NIPA1: variants seen among roughly 807,000 people sequenced by gnomAD.
The protein encoded by NIPA1 is magnesium transporter NIPA1.
Under a neutral mutation model 23.9 loss-of-function variants are expected in NIPA1, and 13 were observed. The observed-to-expected ratio is 0.54, with a 90% CI of 0.35 to 0.87. The LOEUF (loss-of-function observed/expected upper bound fraction) is 0.87. NIPA1 is among the 40% of genes least tolerant of loss of function. The pLI, the probability that NIPA1 is intolerant of heterozygous loss-of-function variation, is 0.01. For synonymous variants in NIPA1, 234 were observed against 202.9 expected (o/e 1.15, Z -1.30); for missense variants, 362 against 429.7 (o/e 0.84, Z 1.39).
At chr15:22,803,365 G>GTA (rs766343296) in intron 1 of NIPA1, among the ~76,000 whole-genome samples, 4 of 151,632 alleles carry the variant, frequency 2.6e-5, no homozygotes. Flanking sequence ...TATTACGTAT[G>GTA]TATATATATA....
At chr15:22,807,979 C>T (rs1002105948) in intron 1 of NIPA1, among the ~76,000 whole-genome samples, 3 of 151,782 alleles carry the variant, frequency 2.0e-5, no homozygotes, top group African/African-American at 4.8e-5. Context: ...TTAGTAGAGA[C>T]GGGGTTTCAC....
chr15:22,822,251 T>G (rs768816327), intron 4 of NIPA1, among the ~76,000 whole-genome samples: 66 of 152,210 alleles, frequency 4.3e-4, no homozygotes, highest in Non-Finnish European at 7.3e-4. Context: ...GTTTCATACA[T>G]AAAATAGTTT....
rs552978933 is a variant in NIPA1, at chr15:22,822,064, G to A, written c.478+1591G>A. Among the ~76,000 whole-genome samples, 137 of 152,226 alleles carry A rather than the reference G, an allele frequency of 9.0e-4. 2 individuals are homozygous for A. Among genetic ancestry groups the A allele is most frequent in the African/African-American group, 3.2e-3 (132 of 41,528 alleles). ...CTGGTAGCTGCAGATATAGACTGAC[G>A]TGGGGGTGTAATGTTATTGACTGGG... On this transcript the variant is annotated intron_variant, in intron 4 of 4. Transcript: ENST00000337435.
At chr15:22,804,897 C>T (rs931354452) in intron 1 of NIPA1, among the ~76,000 whole-genome samples, 4 of 151,850 alleles carry the variant, frequency 2.6e-5, no homozygotes, top group Non-Finnish European at 4.4e-5. Context: ...AGTGCAGTGG[C>T]GCAATCTTGG....
chr15:22,803,978 C>T (rs1895145007), intron 1 of NIPA1, among the ~76,000 whole-genome samples: 1 of 143,362 alleles, frequency 7.0e-6, no homozygotes, highest in Non-Finnish European at 1.5e-5. Context: ...CGTGCCCGGC[C>T]TTGTTTTTGT....
chr15:22,800,413 G>A (rs12101767), intron 1 of NIPA1, among the ~76,000 whole-genome samples: 7,310 of 152,132 alleles, frequency 0.048, 719 homozygotes, highest in East Asian at 0.44. Flanking sequence ...TATCTTGCAA[G>A]TTTTGCCCAG....
upstream of NIPA1, chr15:22,786,585 C>T: frequency 1.8e-6 from 1 of 543,956 alleles, no homozygotes; most frequent in Non-Finnish European, 2.4e-6. Context: ...GCCCGCGCCT[C>T]CCGGTCACCC....
At chr15:22,819,687 T>C (rs890901718) in intron 3 of NIPA1, among the ~76,000 whole-genome samples, 2 of 152,186 alleles carry the variant, frequency 1.3e-5, no homozygotes, top group African/African-American at 4.8e-5. Flanking sequence ...TTACTTATAA[T>C]TATTTTGACA....
At chr15:22,789,615 C>T (rs928646652) in intron 1 of NIPA1, among the ~76,000 whole-genome samples, 15 of 152,076 alleles carry the variant, frequency 9.9e-5, no homozygotes, top group African/African-American at 2.9e-4. Flanking sequence ...CCGAAGAAGG[C>T]GAGGGAGGCA....
At chr15:22,808,528 G>A (rs1282455972) in intron 1 of NIPA1, among the ~76,000 whole-genome samples, 1 of 152,152 alleles carries the variant, frequency 6.6e-6, no homozygotes, top group Admixed American at 6.5e-5. Context: ...GTGTCCATCA[G>A]GCTTATCTAT....
chr15:22,787,510 T>C (rs1894734297), intron 1 of NIPA1, among the ~76,000 whole-genome samples: 1 of 152,162 alleles, frequency 6.6e-6, no homozygotes, highest in African/African-American at 2.4e-5. Context: ...AACCAAGCCC[T>C]GGACGGGCCA....
intron 3 of NIPA1, chr15:22,814,176 G>C (rs1895370347): frequency 4.8e-6 from 5 of 1,044,666 alleles, no homozygotes; most frequent in Non-Finnish European, 6.4e-6. Context: ...CTTTTAAACA[G>C]AATAAAACTA....
intron 1 of NIPA1, among the ~76,000 whole-genome samples, chr15:22,790,038 C>T (rs929104273): frequency 1.3e-5 from 2 of 152,092 alleles, no homozygotes; most frequent in Non-Finnish European, 2.9e-5. Context: ...AGATGATCTG[C>T]CCACCTTGGC....
At chr15:22,805,666 A>G (rs1895191502) in intron 1 of NIPA1, among the ~76,000 whole-genome samples, 3 of 152,168 alleles carry the variant, frequency 2.0e-5, no homozygotes, top group East Asian at 3.9e-4. Context: ...AGCCTGGGCA[A>G]GAGAGTGAGA....
intron 1 of NIPA1, among the ~76,000 whole-genome samples, chr15:22,793,291 G>A (rs1894869394): frequency 7.0e-6 from 1 of 143,484 alleles, no homozygotes; most frequent in Non-Finnish European, 1.5e-5. Context: ...AGAGGTTGCA[G>A]TGAGCTGAGA....
intron 1 of NIPA1, among the ~76,000 whole-genome samples, chr15:22,796,797 C>G (rs908569507): frequency 3.3e-5 from 5 of 152,142 alleles, no homozygotes; most frequent in Non-Finnish European, 7.3e-5. Flanking sequence ...TGTCCCCGAC[C>G]CATGCAGGGA....
At chr15:22,815,264 A>G (rs73414709) in intron 3 of NIPA1, among the ~76,000 whole-genome samples, 4,489 of 152,306 alleles carry the variant, frequency 0.029, 198 homozygotes, top group African/African-American at 0.097. Flanking sequence ...ACATGTATCA[A>G]ATCAACCTCC....
chr15:22,794,413 G>A (rs1386488659), intron 1 of NIPA1, among the ~76,000 whole-genome samples: 1 of 151,888 alleles, frequency 6.6e-6, no homozygotes, highest in African/African-American at 2.4e-5. Flanking sequence ...ATGGAGTGTG[G>A]AGATGGATGG....
At chr15:22,815,071 T>C (rs1205260168) in intron 3 of NIPA1, among the ~76,000 whole-genome samples, 1 of 152,206 alleles carries the variant, frequency 6.6e-6, no homozygotes, top group Non-Finnish European at 1.5e-5. Flanking sequence ...AGAAGCACTG[T>C]TCTATATGAA....
Sources: allele counts gnomAD v4.1 joint callset (sites outside exome capture counted in the v4.1 genomes callset), GRCh38; gene constraint gnomAD v4.1.1; transcripts MANE v1.5; gene names NCBI Gene and HGNC (gene_info 2026-07-23, HGNC 2026-07-21).